Variants in FRY observed in about 807,000 individuals in gnomAD.
FRY encodes the protein protein furry homolog.
In FRY, 128 loss-of-function variants were observed where a neutral mutation model predicts 348.4. The ratio of observed to expected loss-of-function variants is 0.37; its 90% CI spans 0.32 to 0.43. FRY has a LOEUF of 0.43. Among genes scored for constraint, FRY ranks in the 20% least tolerant of loss-of-function variants. FRY has a pLI of 1.00. For missense variants in FRY, 2,736 were observed against 3,695.2 expected (o/e 0.74, Z 6.73); for synonymous variants, 1,370 against 1,374.7 (o/e 1.00, Z 0.08).
At chr13:32,199,682 G>T (rs1024743673) in intron 29 of FRY, among the ~76,000 whole-genome samples, 6 of 152,230 alleles carry the variant, frequency 3.9e-5, no homozygotes, top group Non-Finnish European at 7.4e-5. Context: ...GGACCCTGTA[G>T]CCCTATGTGT....
intron 14 of FRY, among the ~76,000 whole-genome samples, chr13:32,152,680 G>T (rs1436293916): frequency 1.3e-5 from 2 of 151,988 alleles, no homozygotes; most frequent in South Asian, 2.1e-4. Context: ...AAATCTTCCA[G>T]AAGAAAAGAA....
intron 2 of FRY, among the ~76,000 whole-genome samples, chr13:32,081,858 C>A (rs979241928): frequency 6.6e-6 from 1 of 152,136 alleles, no homozygotes; most frequent in Non-Finnish European, 1.5e-5. Context: ...GTAGAGTACA[C>A]TTAAGGTGAA....
At chr13:32,263,283 A>T (rs1466887897) in intron 53 of FRY, among the ~76,000 whole-genome samples, 1 of 152,240 alleles carries the variant, frequency 6.6e-6, no homozygotes, top group Non-Finnish European at 1.5e-5. Flanking sequence ...ATTTCATAAA[A>T]GTATATTCCT....
At chr13:32,284,918 G>A (rs1304956669) in intron 58 of FRY, among the ~76,000 whole-genome samples, 2 of 152,194 alleles carry the variant, frequency 1.3e-5, no homozygotes, top group Non-Finnish European at 1.5e-5. Context: ...ATATGGCTAT[G>A]CTACTGTCGA....
At chr13:32,040,896 C>T (rs915981188) in intron 1 of FRY, among the ~76,000 whole-genome samples, 1 of 152,078 alleles carries the variant, frequency 6.6e-6, no homozygotes, top group African/African-American at 2.4e-5. Context: ...TGATGAAATA[C>T]GAAAGGTCAT....
intron 1 of FRY, among the ~76,000 whole-genome samples, chr13:32,058,593 C>A (rs1873766564): frequency 6.6e-6 from 1 of 152,104 alleles, no homozygotes; most frequent in Admixed American, 6.5e-5. Flanking sequence ...TATGCCTGAC[C>A]TTAGGATCCT....
At chr13:32,036,067 A>T (rs990738566) in intron 1 of FRY, among the ~76,000 whole-genome samples, 1 of 152,220 alleles carries the variant, frequency 6.6e-6, no homozygotes, top group Non-Finnish European at 1.5e-5. Context: ...TCTGCAGAGC[A>T]GTGTTTATTG....
chr13:32,080,988 G>A (rs964189805), intron 2 of FRY, among the ~76,000 whole-genome samples: 6 of 152,138 alleles, frequency 3.9e-5, no homozygotes, highest in African/African-American at 1.4e-4. Flanking sequence ...TGTTTTTTAA[G>A]AATTTGTGAA....
At position 32,268,486 on chromosome 13, in the gene FRY, T is replaced by TA. The variant is rs1163691921; in HGVS notation, c.8136+1147dup. Among the ~76,000 whole-genome samples the TA allele has an allele frequency of 5.1e-3, 311 of 60,800 alleles. 2 individuals are homozygous for TA. Among genetic ancestry groups the TA allele is most frequent in the Middle Eastern group, 0.011 (1 of 92 alleles). The allele number at this position is 60,800 out of a possible 152,430, so 39.9% of individuals were successfully genotyped here. On this transcript the variant is annotated intron_variant, in intron 55 of 60. Transcript: ENST00000542859. The stretch of plus-strand genomic sequence containing the variant: ...ATTATAGTTAAAGAGAAAGCTAGTT[T>TA]AAAAAAAAAAAAAAAAAAAATATAT...
chr13:32,052,162 C>T (rs976582431), intron 1 of FRY, among the ~76,000 whole-genome samples: 2 of 152,172 alleles, frequency 1.3e-5, no homozygotes, highest in Non-Finnish European at 2.9e-5. Context: ...TCAGTGTTCT[C>T]TTCTATAGAG....
intron 17 of FRY, among the ~76,000 whole-genome samples, chr13:32,169,234 G>A (rs1162354052): frequency 6.6e-6 from 1 of 152,196 alleles, no homozygotes; most frequent in Non-Finnish European, 1.5e-5. Flanking sequence ...GATGGTCTGT[G>A]CCTTGTTTCT....
At chr13:32,161,341 A>G (rs1329040271) in intron 17 of FRY, 90 bp downstream of exon 17, 1 of 888,576 alleles carries the variant, frequency 1.1e-6, no homozygotes, top group South Asian at 1.3e-5. Flanking sequence ...ACAATTAACA[A>G]ATATTTACCA....
intron 29 of FRY, among the ~76,000 whole-genome samples, chr13:32,197,612 A>G (rs1883752029): frequency 6.6e-6 from 1 of 152,258 alleles, no homozygotes. Context: ...GGTTAGAGTA[A>G]TGATTAAACA....
Position 32,208,739 on chromosome 13 carries a change from GA to G in FRY, c.4019-110del, listed in dbSNP as rs1486471479. The G allele has an allele frequency of 3.8e-6, 5 of 1,305,768 alleles. No homozygotes were observed. The African/African-American group carries it at 7.2e-5, about 19-fold the overall frequency. 80.9% of individuals were successfully genotyped at this position (1,305,768 alleles called of 1,614,324 possible). A position where few individuals can be genotyped will look rare whatever the true frequency, so the allele number is the denominator to read the frequency against. On this transcript the variant is annotated intron_variant, in intron 31 of 60. Coordinates refer to ENST00000542859, the MANE Select transcript of FRY (RefSeq NM_023037.3). ...GTGGCCTTGGGGAGCTCCTGTATGT[GA>G]AAATGTTTTGTAAACGTAGGACACT...
chr13:32,157,475 T>A, intron 16 of FRY, 70 bp downstream of exon 16: 1 of 1,430,966 alleles, frequency 7.0e-7, no homozygotes, highest in East Asian at 2.3e-5. Context: ...GTATTCTCAT[T>A]TATTCTGTAT....
chr13:32,285,998 G>T (rs1889024715), intron 58 of FRY, among the ~76,000 whole-genome samples: 1 of 152,140 alleles, frequency 6.6e-6, no homozygotes, highest in Admixed American at 6.5e-5. Context: ...GAAATTTATG[G>T]CCAGGGTCCC....
chr13:32,220,106 T>G (rs369910574), intron 36 of FRY, among the ~76,000 whole-genome samples: 2 of 152,244 alleles, frequency 1.3e-5, no homozygotes, highest in African/African-American at 4.8e-5. Flanking sequence ...TTGTGGGATT[T>G]ATTCTTTTTT....
chr13:32,280,353 A>G (rs940348830), intron 58 of FRY, among the ~76,000 whole-genome samples: 2 of 152,218 alleles, frequency 1.3e-5, no homozygotes, highest in Admixed American at 1.3e-4. Flanking sequence ...ATCCCTATAT[A>G]TGCATCTGTG....
intron 14 of FRY, among the ~76,000 whole-genome samples, chr13:32,153,073 G>A (rs949814335): frequency 6.6e-6 from 1 of 152,130 alleles, no homozygotes; most frequent in Non-Finnish European, 1.5e-5. Context: ...AAGATAAAGA[G>A]CAACTAGAAC....
Sources: gnomAD v4.1 joint callset for allele counts (sites outside exome capture counted in the v4.1 genomes callset) on GRCh38, gnomAD v4.1.1 for gene constraint, MANE v1.5 for transcripts, NCBI Gene and HGNC (gene_info 2026-07-23, HGNC 2026-07-21) for gene names.